The following RFX2 variants were observed in gnomAD, a reference collection of about 807,000 sequenced individuals.
The protein encoded by RFX2 is regulatory factor X2, also known as DNA-binding protein RFX2.
Under a neutral mutation model 87.8 loss-of-function variants are expected in RFX2, and 20 were observed. The ratio of observed to expected loss-of-function variants is 0.23; its 90% CI spans 0.16 to 0.33. RFX2 has a LOEUF of 0.33. Ranked by LOEUF, RFX2 falls within the 10% of genes least tolerant of loss-of-function variation. The pLI is 1.00. For synonymous variants in RFX2, 397 were observed against 431.3 expected, an observed-to-expected ratio of 0.92 and a Z score of 0.98; for missense variants, 767 against 1,012.3, an observed-to-expected ratio of 0.76 and a Z score of 3.29.
intron 6 of RFX2, among the ~76,000 whole-genome samples, chr19:6,019,514 G>GTT (rs953754847): frequency 7.3e-6 from 1 of 136,778 alleles, no homozygotes; most frequent in African/African-American, 2.9e-5. Flanking sequence ...GTGTGAGTAT[G>GTT]TGTGTGTGTG....
intron 5 of RFX2, among the ~76,000 whole-genome samples, chr19:6,029,904 C>G (rs919124509): frequency 6.6e-6 from 1 of 152,036 alleles, no homozygotes; most frequent in African/African-American, 2.4e-5. Flanking sequence ...AATCAGGGAA[C>G]TTGAAGATGG....
chr19:6,071,932 T>G (rs1266360901), intron 1 of RFX2: 1 of 152,204 alleles, frequency 6.6e-6, no homozygotes, highest in Non-Finnish European at 1.5e-5. Context: ...TTCATTTTTC[T>G]CAGGAAACAT....
chr19:6,082,863 C>T (rs2087805367), intron 1 of RFX2, among the ~76,000 whole-genome samples: 1 of 152,190 alleles, frequency 6.6e-6, no homozygotes, highest in African/African-American at 2.4e-5. Flanking sequence ...ATGCTAGAGC[C>T]TGGGGCAAAG....
At chr19:6,069,800 C>A (rs376962176) in intron 1 of RFX2, among the ~76,000 whole-genome samples, 1 of 152,128 alleles carries the variant, frequency 6.6e-6, no homozygotes, top group Non-Finnish European at 1.5e-5. Context: ...GAACTGGAGA[C>A]AGGAGGACCA....
At chr19:6,107,503 G>A (rs894933562) in intron 1 of RFX2, among the ~76,000 whole-genome samples, 13 of 151,106 alleles carry the variant, frequency 8.6e-5, no homozygotes, top group Middle Eastern at 3.2e-3. Flanking sequence ...TGTAATCCCA[G>A]CTATTCAGGA....
rs1005699296 is a variant in RFX2, at chr19:6,074,730, G to T, written c.-8-27226C>A. 6.6e-6 allele frequency among the ~76,000 whole-genome samples: 1 copy of T among 152,224 alleles called. No homozygotes were observed. Among genetic ancestry groups the T allele is most frequent in the Non-Finnish European group, 1.5e-5 (1 of 68,040 alleles). On this transcript the variant is annotated intron_variant, in intron 1 of 17. Coordinates refer to ENST00000303657, the MANE Select transcript of RFX2 (RefSeq NM_000635.4). The surrounding 1 kb of genome is among the most constrained non-coding windows in gnomAD (Gnocchi z 5.2). ...GCCAGGGGCAACAAGGTGACCTGGG[G>T]CAGTGACAGGACAGAGGCAGAGTGA...
chr19:6,098,422 G>A (rs765500901), intron 1 of RFX2, among the ~76,000 whole-genome samples: 62 of 152,084 alleles, frequency 4.1e-4, no homozygotes, highest in Admixed American at 1.3e-4. Context: ...CCGCAAGATA[G>A]AGACTTCAGT....
At chr19:6,031,590 C>T (rs1330405560) in intron 5 of RFX2, among the ~76,000 whole-genome samples, 1 of 151,710 alleles carries the variant, frequency 6.6e-6, no homozygotes, top group East Asian at 1.9e-4. Context: ...CCACCATGCT[C>T]AGCTCATTTT....
In RFX2 at chr19:6,007,954, A is replaced by G. The variant is rs779930036; in HGVS notation, c.1134+152T>C. The G allele has an allele frequency of 5.1e-5, 40 of 780,994 alleles. No homozygotes were observed. The highest frequency in any genetic ancestry group is 7.9e-5 in the Non-Finnish European group (36 of 454,016). The allele number at this position is 780,994 out of a possible 1,614,324, so 48.4% of individuals were successfully genotyped here. On this transcript the variant is annotated intron_variant, in intron 10 of 17. Transcript: ENST00000303657. This position sits in a 1 kb window ranked among gnomAD's most constrained non-coding sequence, Gnocchi z 8.2. The stretch of plus-strand genomic sequence containing the variant: ...GAGAGGAGAGGAGCAGGCGATGGAC[A>G]TGGATGCGGAGGGGCTGCTGCTTCA...
At chr19:6,081,080 G>A (rs992970831) in intron 1 of RFX2, among the ~76,000 whole-genome samples, 3 of 151,180 alleles carry the variant, frequency 2.0e-5, no homozygotes, top group Non-Finnish European at 1.5e-5. Flanking sequence ...GAAGCCCCAG[G>A]AGGCTCAACC....
At chr19:6,018,835 C>T (rs1343353345) in intron 6 of RFX2, among the ~76,000 whole-genome samples, 1 of 152,208 alleles carries the variant, frequency 6.6e-6, no homozygotes, top group Admixed American at 6.5e-5. Flanking sequence ...TCCAGCTCTG[C>T]TCCTGCAGGT....
rs1599883491 is a variant in RFX2 at position 6,050,145 on chromosome 19, A to T, written c.-8-2641T>A. Among the ~76,000 whole-genome samples, 1 of 152,350 alleles carries T rather than the reference A, an allele frequency of 6.6e-6. No homozygotes were observed. The highest frequency in any genetic ancestry group is 1.9e-4 in the East Asian group (1 of 5,186). On this transcript the variant is annotated intron_variant, in intron 1 of 17. Coordinates refer to ENST00000303657, the MANE Select transcript of RFX2 (RefSeq NM_000635.4). This position sits in a 1 kb window ranked among gnomAD's most constrained non-coding sequence, Gnocchi z 4.6. ...TTGGGGAAAAACCAGCAGTGCAAAG[A>T]TAAAAAAATTAAGTGAAGATTTCAG... is the stretch of plus-strand genomic sequence containing the variant.
chr19:5,995,009 G>A (rs964521912), intron 17 of RFX2, 59 bp from the exon 18 acceptor site: 1 of 1,350,130 alleles, frequency 7.4e-7, no homozygotes, highest in African/African-American at 1.4e-5. Flanking sequence ...AGGGAGAGAA[G>A]GAAGTGCACG....
chr19:5,996,237 T>C (rs928931864), intron 16 of RFX2, among the ~76,000 whole-genome samples: 3 of 40,706 alleles, frequency 7.4e-5, no homozygotes, highest in African/African-American at 1.2e-4. Flanking sequence ...CCCGAAGAAC[T>C]GAACACAGGA....
intron 5 of RFX2, among the ~76,000 whole-genome samples, chr19:6,028,822 C>T (rs918052623): frequency 2.0e-5 from 3 of 152,164 alleles, no homozygotes; most frequent in Admixed American, 6.5e-5. Context: ...CGCCTATAAT[C>T]CCAGCACTTC....
In RFX2 at chr19:6,045,411, G is replaced by A. The variant is rs1264901897; in HGVS notation, c.91-1129C>T. Among the ~76,000 whole-genome samples the A allele has an allele frequency of 6.6e-6, 1 of 152,186 alleles. No homozygotes were observed. The highest frequency in any genetic ancestry group is 2.4e-5 in the African/African-American group (1 of 41,432). ...TCCACCTAGGCCTGGGAGAGCCTGAGAGAGGGGCTTGGCAGGAAGACCTGA... is the reference window on the plus strand; with the variant it reads ...TCCACCTAGGCCTGGGAGAGCCTGAAAGAGGGGCTTGGCAGGAAGACCTGA... On this transcript the variant is annotated intron_variant, in intron 2 of 17. Coordinates refer to ENST00000303657, the MANE Select transcript of RFX2 (RefSeq NM_000635.4). The surrounding 1 kb of genome is among the most constrained non-coding windows in gnomAD (Gnocchi z 5.2).
Position 6,022,124 on chromosome 19 carries a change from C to A in RFX2, c.597+4039G>T, listed in dbSNP as rs904367843. On this transcript the variant is annotated intron_variant, in intron 6 of 17. Transcript: ENST00000303657. The surrounding 1 kb of genome is among the most constrained non-coding windows in gnomAD (Gnocchi z 6.2). ...CTCAGATGGGACCGTGGGCGGGAGG[C>A]GCAGGGGTTGTGGGAGGCGCAGGGG... Among the ~76,000 whole-genome samples, 2 of 151,918 alleles carry A rather than the reference C, an allele frequency of 1.3e-5. No individual in the cohort carries two copies. The highest frequency in any genetic ancestry group is 4.8e-5 in the African/African-American group (2 of 41,360).
intron 4 of RFX2, among the ~76,000 whole-genome samples, chr19:6,041,760 C>T (rs1296767917): frequency 6.6e-6 from 1 of 151,922 alleles, no homozygotes; most frequent in Non-Finnish European, 1.5e-5. Context: ...ATCAGTCAGG[C>T]GTGATCATAG....
At position 6,021,894 on chromosome 19, in the gene RFX2, T is replaced by C. The variant is rs1324131730; in HGVS notation, c.597+4269A>G. 2.0e-5 allele frequency among the ~76,000 whole-genome samples: 3 copies of C among 152,036 alleles called. No individual in the cohort carries two copies. The highest frequency in any genetic ancestry group is 4.4e-5 in the Non-Finnish European group (3 of 67,974). On this transcript the variant is annotated intron_variant, in intron 6 of 17. Transcript: ENST00000303657. This position sits in a 1 kb window ranked among gnomAD's most constrained non-coding sequence, Gnocchi z 5.7. ...CTGGGTAGGGGTGGGTGCTGACGGC[T>C]GGCTAGGAGGTGGCCGAAAGAATCC...
Sources: allele counts gnomAD v4.1 joint callset (sites outside exome capture counted in the v4.1 genomes callset), GRCh38; gene constraint gnomAD v4.1.1; non-coding constraint Gnocchi (gnomAD v3.1); transcripts MANE v1.5; gene names NCBI Gene and HGNC (gene_info 2026-07-23, HGNC 2026-07-21).